Variants in KLHL14 observed in about 807,000 individuals in gnomAD.
KLHL14 encodes the protein kelch-like protein 14.
A neutral mutation model predicts 64.3 loss-of-function variants in KLHL14; 22 were observed. That is an observed-to-expected ratio of 0.34 (90% confidence interval 0.24 to 0.49). The LOEUF (loss-of-function observed/expected upper bound fraction) is 0.49. Ranked by LOEUF, KLHL14 falls within the 20% of genes least tolerant of loss-of-function variation. The probability of loss-of-function intolerance (pLI) is 0.99; values close to 1 mark genes in which losing one functional copy is unlikely to be tolerated. For missense variants in KLHL14, 661 were observed against 789.0 expected (o/e 0.84, Z 1.94); for synonymous variants, 322 against 333.4 (o/e 0.97, Z 0.37).
intron 3 of KLHL14, among the ~76,000 whole-genome samples, chr18:32,728,313 A>G (rs955993722): frequency 4.6e-5 from 7 of 152,168 alleles, no homozygotes; most frequent in African/African-American, 1.4e-4. Context: ...TGGCTCTGCC[A>G]TTTACCATCT....
chr18:32,702,539 TAGGA>T (rs1334113783), intron 3 of KLHL14, among the ~76,000 whole-genome samples: 1 of 151,768 alleles, frequency 6.6e-6, no homozygotes, highest in African/African-American at 2.4e-5. Flanking sequence ...TTTTACACAT[TAGGA>T]AGGGCTTGAT....
At position 32,695,444 on chromosome 18, in the gene KLHL14, T is replaced by G. The variant is rs2049931874; in HGVS notation, c.1159+19A>C. The G allele has an allele frequency of 1.3e-6, 2 of 1,507,558 alleles. No homozygotes were observed. The highest frequency in any genetic ancestry group is 1.8e-6 in the Non-Finnish European group (2 of 1,083,396). 93.4% of individuals were successfully genotyped at this position (1,507,558 alleles called of 1,614,324 possible). A position where few individuals can be genotyped will look rare whatever the true frequency, so the allele number is the denominator to read the frequency against. Reference sequence around the variant, plus strand: ...CACATACTTGTTGAGCACCTCCAATTAAGTTGTTCAATAGTTACCATTCGG... The same window carrying G: ...CACATACTTGTTGAGCACCTCCAATGAAGTTGTTCAATAGTTACCATTCGG... On this transcript the variant is annotated intron_variant, in intron 4 of 8. Transcript: ENST00000359358.
intron 3 of KLHL14, among the ~76,000 whole-genome samples, chr18:32,739,071 G>A (rs1220926013): frequency 6.6e-6 from 1 of 152,082 alleles, no homozygotes; most frequent in African/African-American, 2.4e-5. Flanking sequence ...CTGAGATTCA[G>A]AAACTCCATC....
intron 3 of KLHL14, among the ~76,000 whole-genome samples, chr18:32,727,169 T>C (rs1272674914): frequency 6.6e-6 from 1 of 152,238 alleles, no homozygotes; most frequent in Non-Finnish European, 1.5e-5. Context: ...AAGCTGCTTC[T>C]TAAAAAGGTA....
intron 3 of KLHL14, among the ~76,000 whole-genome samples, chr18:32,701,230 CACA>C (rs1408431191): frequency 6.6e-6 from 1 of 152,122 alleles, no homozygotes; most frequent in Non-Finnish European, 1.5e-5. Flanking sequence ...GCTGATAATA[CACA>C]ACTGAACGAG....
intron 3 of KLHL14, among the ~76,000 whole-genome samples, chr18:32,708,333 T>C (rs888368464): frequency 1.3e-5 from 2 of 152,112 alleles, no homozygotes; most frequent in African/African-American, 2.4e-5. Flanking sequence ...TTTTATTCCA[T>C]AGGGACATTT....
intron 3 of KLHL14, among the ~76,000 whole-genome samples, chr18:32,700,645 T>C (rs969207193): frequency 6.6e-6 from 1 of 152,220 alleles, no homozygotes; most frequent in Non-Finnish European, 1.5e-5. Context: ...GGTGCTACTC[T>C]ATGCTAGGCA....
intron 3 of KLHL14, among the ~76,000 whole-genome samples, chr18:32,710,354 G>A (rs536636250): frequency 3.1e-4 from 47 of 152,272 alleles, no homozygotes; most frequent in African/African-American, 1.0e-3. Flanking sequence ...GTTATAGGGA[G>A]GCAAGAATGT....
intron 3 of KLHL14, among the ~76,000 whole-genome samples, chr18:32,704,215 C>T (rs2144493741): frequency 6.6e-6 from 1 of 152,206 alleles, no homozygotes. Context: ...AACAGGATAG[C>T]AAAAATGATT....
intron 4 of KLHL14, among the ~76,000 whole-genome samples, chr18:32,690,538 G>A (rs1333432142): frequency 6.6e-6 from 1 of 152,032 alleles, no homozygotes; most frequent in African/African-American, 2.4e-5. Context: ...AGACCAGCCT[G>A]GCCAACATGG....
intron 3 of KLHL14, among the ~76,000 whole-genome samples, chr18:32,713,973 A>C (rs2050032595): frequency 6.6e-6 from 1 of 152,182 alleles, no homozygotes; most frequent in Admixed American, 6.5e-5. Flanking sequence ...CCTTTGATAA[A>C]ATTTACATAT....
At chr18:32,771,905 CCCCCCACTCGGGCA>C in intron 1 of KLHL14, 1 of 163,520 alleles carries the variant, frequency 6.1e-6, no homozygotes, top group Non-Finnish European at 1.3e-5. Context: ...CCCCCAGCGG[CCCCCCACTCGGGCA>C]CCCCCACTTC....
chr18:32,719,375 C>T (rs2050064156), intron 3 of KLHL14, among the ~76,000 whole-genome samples: 1 of 152,210 alleles, frequency 6.6e-6, no homozygotes. Flanking sequence ...TTGAAGTATA[C>T]TGTGTCTATA....
intron 3 of KLHL14, among the ~76,000 whole-genome samples, chr18:32,737,085 A>G (rs1283059465): frequency 6.6e-6 from 1 of 152,108 alleles, no homozygotes; most frequent in Non-Finnish European, 1.5e-5. Context: ...GCATTTTCAG[A>G]GTCGTTCAAA....
In KLHL14 at chr18:32,770,805, C is replaced by G; in HGVS notation, c.-43-171G>C. 1.9e-6 allele frequency: 1 copy of G among 517,102 alleles called. No homozygotes were observed. Among genetic ancestry groups the G allele is most frequent in the Non-Finnish European group, 3.4e-6 (1 of 295,282 alleles). The allele number at this position is 517,102 out of a possible 1,614,324, so 32.0% of individuals were successfully genotyped here. On this transcript the variant is annotated intron_variant, in intron 1 of 8. Coordinates refer to ENST00000359358, the MANE Select transcript of KLHL14 (RefSeq NM_020805.3). The surrounding 1 kb of genome is among the most constrained non-coding windows in gnomAD (Gnocchi z 6.7). ...CGGACCCCGACCCTAGGAGGAAAGT[C>G]CGAAGACGCTGGATCCGTGAGCGCC... is the stretch of plus-strand genomic sequence containing the variant.
At chr18:32,700,134 A>AGTATAC (rs1224789879) in intron 3 of KLHL14, among the ~76,000 whole-genome samples, 1 of 152,162 alleles carries the variant, frequency 6.6e-6, no homozygotes, top group East Asian at 1.9e-4. Flanking sequence ...TCCAGCAGAA[A>AGTATAC]GTATACGTAT....
At chr18:32,719,477 C>T (rs919996181) in intron 3 of KLHL14, among the ~76,000 whole-genome samples, 3 of 152,148 alleles carry the variant, frequency 2.0e-5, no homozygotes, top group African/African-American at 7.2e-5. Flanking sequence ...TTTGAGACCT[C>T]ACTATATAAC....
intron 4 of KLHL14, among the ~76,000 whole-genome samples, chr18:32,689,499 A>G (rs530889656): frequency 1.3e-5 from 2 of 152,252 alleles, no homozygotes; most frequent in East Asian, 3.9e-4. Flanking sequence ...GCTTCAGTGA[A>G]CCGGAGGGGA....
intron 8 of KLHL14, among the ~76,000 whole-genome samples, chr18:32,675,849 T>C (rs779336965): frequency 2.0e-5 from 3 of 152,214 alleles, no homozygotes; most frequent in Non-Finnish European, 4.4e-5. Context: ...TATCTAGTTA[T>C]ATATGTCAAT....
Sources: gnomAD v4.1 joint callset for allele counts (sites outside exome capture counted in the v4.1 genomes callset) on GRCh38, gnomAD v4.1.1 for gene constraint, Gnocchi (gnomAD v3.1) non-coding constraint, MANE v1.5 for transcripts, NCBI Gene and HGNC (gene_info 2026-07-23, HGNC 2026-07-21) for gene names.